Variants in ITGB6 observed in about 807,000 individuals in gnomAD.
The protein encoded by ITGB6 is integrin beta-6.
A neutral mutation model predicts 84.5 loss-of-function variants in ITGB6; 80 were observed. The observed-to-expected ratio is 0.95, with a 90% CI of 0.79 to 1.14. The LOEUF (loss-of-function observed/expected upper bound fraction) is 1.14. Ranked by LOEUF, ITGB6 falls within the 50% of genes most tolerant of loss-of-function variation. The pLI, the probability that ITGB6 is intolerant of heterozygous loss-of-function variation, is 0.00. For missense variants in ITGB6, 1,006 were observed against 968.0 expected (o/e 1.04, Z -0.52); for synonymous variants, 383 against 354.9 (o/e 1.08, Z -0.89).
At chr2:160,137,398 C>T (rs1403952850) in intron 10 of ITGB6, 36 bp downstream of exon 10, 1 of 1,567,528 alleles carries the variant, frequency 6.4e-7, no homozygotes, top group African/African-American at 1.3e-5. Flanking sequence ...GATACTTGAG[C>T]AGCCACAGGG....
intron 4 of ITGB6, among the ~76,000 whole-genome samples, chr2:160,194,580 A>G (rs188802711): frequency 7.9e-5 from 12 of 152,300 alleles, no homozygotes; most frequent in African/African-American, 2.9e-4. Flanking sequence ...TTATTAAGCT[A>G]GCTTTAACCT....
rs564779871 is a variant in ITGB6, at chr2:160,119,074, A to G, written c.1981+4717T>C. On this transcript the variant is annotated intron_variant, in intron 12 of 14. Transcript: ENST00000283249. ...ATGGGTAGGAAGAATCAATATCGTG[A>G]AAATGGCCATACTGTCCAAGGTAAT... Among the ~76,000 whole-genome samples the G allele has an allele frequency of 5.1e-4, 77 of 152,316 alleles. 1 individual carries two copies. The highest frequency in any genetic ancestry group is 1.9e-3 in the African/African-American group (77 of 41,556).
rs1026010800 is a variant in ITGB6 at position 160,199,170 on chromosome 2, T to A, written c.141+9A>T. The A allele has an allele frequency of 2.5e-6, 4 of 1,610,954 alleles. No homozygotes were observed. In the African/African-American group the frequency reaches 5.3e-5, roughly 22 times the overall value. ...GGTTTTAAAAACACATTGAGGTCAT[T>A]TATTTTACCTCCTGAGCACACCAGG... is the stretch of plus-strand genomic sequence containing the variant. On this transcript the variant is annotated intron_variant, in intron 2 of 14. Transcript: ENST00000283249.
At chr2:160,192,191 AG>A (rs141897356) in intron 4 of ITGB6, among the ~76,000 whole-genome samples, 2,494 of 152,280 alleles carry the variant, frequency 0.016, 43 homozygotes, top group Middle Eastern at 0.092. Context: ...ACAAAGTTGG[AG>A]GATTTATGCT....
chr2:160,177,829 G>C (rs1685488801), intron 4 of ITGB6, among the ~76,000 whole-genome samples: 1 of 152,034 alleles, frequency 6.6e-6, no homozygotes, highest in Non-Finnish European at 1.5e-5. Context: ...AAGTAGCTGT[G>C]GGTGGTAGAA....
chr2:160,180,756 G>C (rs569762945), intron 4 of ITGB6, among the ~76,000 whole-genome samples: 1 of 152,292 alleles, frequency 6.6e-6, no homozygotes, highest in South Asian at 2.1e-4. Context: ...AACGCAGAAG[G>C]CAGGTGATTT....
At chr2:160,116,423 G>A (rs1682771776) in intron 12 of ITGB6, among the ~76,000 whole-genome samples, 1 of 151,848 alleles carries the variant, frequency 6.6e-6, no homozygotes. Flanking sequence ...AGCTTCATAA[G>A]TGAAGGAGAA....
intron 10 of ITGB6, among the ~76,000 whole-genome samples, chr2:160,128,595 G>A (rs565067702): frequency 2.6e-5 from 4 of 152,256 alleles, no homozygotes; most frequent in African/African-American, 7.2e-5. Context: ...GAGCAGCAAG[G>A]AAAGAATATA....
At chr2:160,168,000 C>T (rs1685065416) in intron 7 of ITGB6, among the ~76,000 whole-genome samples, 1 of 151,714 alleles carries the variant, frequency 6.6e-6, no homozygotes, top group Non-Finnish European at 1.5e-5. Flanking sequence ...AAAGTCTCAA[C>T]TGCAACTCTA....
chr2:160,184,157 C>T (rs921954769), intron 4 of ITGB6, among the ~76,000 whole-genome samples: 2 of 151,948 alleles, frequency 1.3e-5, no homozygotes, highest in African/African-American at 2.4e-5. Flanking sequence ...GATAGAGACA[C>T]AAAAAACCCT....
At chr2:160,179,896 A>G in intron 4 of ITGB6, among the ~76,000 whole-genome samples, 1 of 148,104 alleles carries the variant, frequency 6.8e-6, no homozygotes, top group Non-Finnish European at 1.5e-5. Flanking sequence ...TCAGGAGTTC[A>G]AGACCAGCCA....
intron 7 of ITGB6, among the ~76,000 whole-genome samples, chr2:160,160,381 A>C (rs574616457): frequency 6.6e-6 from 1 of 152,302 alleles, no homozygotes; most frequent in Admixed American, 6.5e-5. Context: ...CTGGATTTTT[A>C]TGTGCTGAAT....
intron 14 of ITGB6, 45 bp downstream of exon 14, chr2:160,107,634 C>A: frequency 6.3e-7 from 1 of 1,578,894 alleles, no homozygotes; most frequent in South Asian, 1.1e-5. Context: ...CTTCCACCAG[C>A]CTCTTTCTCC....
At chr2:160,167,751 T>C (rs1685055925) in intron 7 of ITGB6, among the ~76,000 whole-genome samples, 1 of 152,200 alleles carries the variant, frequency 6.6e-6, no homozygotes, top group Non-Finnish European at 1.5e-5. Context: ...GGGAGACGTA[T>C]AAATGAGTTG....
intron 7 of ITGB6, among the ~76,000 whole-genome samples, chr2:160,156,307 C>G (rs868508641): frequency 6.6e-6 from 1 of 152,278 alleles, no homozygotes; most frequent in Middle Eastern, 3.4e-3. Context: ...TCACAGGAAT[C>G]TCATCTGCCT....
intron 14 of ITGB6, among the ~76,000 whole-genome samples, chr2:160,106,694 A>G (rs1696921536): frequency 6.6e-6 from 1 of 152,252 alleles, no homozygotes; most frequent in Non-Finnish European, 1.5e-5. Context: ...GTCCTGTACC[A>G]TGTATTATCA....
At chr2:160,187,081 G>A (rs1323902359) in intron 4 of ITGB6, among the ~76,000 whole-genome samples, 3 of 151,998 alleles carry the variant, frequency 2.0e-5, no homozygotes, top group African/African-American at 2.4e-5. Context: ...AAACCTGTAC[G>A]TTCTGCAAAC....
intron 6 of ITGB6, among the ~76,000 whole-genome samples, chr2:160,170,870 A>G (rs1381001427): frequency 2.6e-5 from 4 of 152,208 alleles, no homozygotes; most frequent in Non-Finnish European, 5.9e-5. Context: ...GCCTCGTTCA[A>G]AATGGAGCTT....
chr2:160,124,992 C>T (rs1280848208), intron 11 of ITGB6, among the ~76,000 whole-genome samples: 2 of 152,198 alleles, frequency 1.3e-5, no homozygotes, highest in African/African-American at 4.8e-5. Flanking sequence ...ATCTCTTTGT[C>T]TTTGTGCATC....
Sources: gnomAD v4.1 joint callset for allele counts (sites outside exome capture counted in the v4.1 genomes callset) on GRCh38, gnomAD v4.1.1 for gene constraint, MANE v1.5 for transcripts, NCBI Gene and HGNC (gene_info 2026-07-23, HGNC 2026-07-21) for gene names.